MPP3: variants seen among roughly 807,000 people sequenced by gnomAD.
MPP3 encodes the protein MAGUK p55 subfamily member 3.
In MPP3, 48 loss-of-function variants were observed where a neutral mutation model predicts 80.7. The ratio of observed to expected loss-of-function variants is 0.59; its 90% CI spans 0.47 to 0.76. The LOEUF (loss-of-function observed/expected upper bound fraction) is 0.76. MPP3 is among the 30% of genes least tolerant of loss of function. MPP3 has a pLI of 0.00. For synonymous variants in MPP3, 311 were observed against 297.6 expected (o/e 1.04, Z -0.46); for missense variants, 620 against 763.0 (o/e 0.81, Z 2.21).
chr17:43,820,041 G>C (rs922148920), intron 11 of MPP3, among the ~76,000 whole-genome samples: 1 of 152,004 alleles, frequency 6.6e-6, no homozygotes, highest in Non-Finnish European at 1.5e-5. Context: ...ACCTTTTTGG[G>C]CTCAACTGAT....
intron 11 of MPP3, among the ~76,000 whole-genome samples, chr17:43,818,722 C>T (rs150881995): frequency 6.1e-4 from 93 of 152,128 alleles, no homozygotes; most frequent in Non-Finnish European, 9.9e-4. Context: ...GTCAGGAGTT[C>T]GAGACCAGCC....
chr17:43,816,272 G>A (rs956889266), intron 13 of MPP3, among the ~76,000 whole-genome samples, 193 bp from the exon 14 acceptor site: 1 of 152,344 alleles, frequency 6.6e-6, no homozygotes, highest in Middle Eastern at 3.4e-3. Flanking sequence ...TCCATGCTTA[G>A]GCCCCTAACA....
Position 43,820,603 on chromosome 17 carries a change from A to ATAC in MPP3, c.881+258_881+259insGTA, listed in dbSNP as rs1264169757. Reference sequence around the variant, plus strand: ...GAGACTCTGTCTCAAAAAAAAAAAAAATACACACACACACACACACACACA... The same window carrying ATAC: ...GAGACTCTGTCTCAAAAAAAAAAAAATACATACACACACACACACACACACACA... On this transcript the variant is annotated intron_variant, in intron 11 of 19. Transcript: ENST00000398389. 5.0e-3 allele frequency among the ~76,000 whole-genome samples: 634 copies of ATAC among 127,580 alleles called. 7 individuals are homozygous for ATAC. Among genetic ancestry groups the ATAC allele is most frequent in the African/African-American group, 0.021 (576 of 27,274 alleles). The allele number at this position is 127,580 out of a possible 152,430, so 83.7% of individuals were successfully genotyped here.
intron 14 of MPP3, 117 bp downstream of exon 14, chr17:43,815,921 G>T (rs1219050209): frequency 2.0e-5 from 19 of 933,908 alleles, no homozygotes; most frequent in Non-Finnish European, 2.7e-5. Flanking sequence ...GGTCCCATAG[G>T]CTCCACTGCT....
At chr17:43,811,230 G>C in intron 16 of MPP3, 25 bp from the exon 17 acceptor site, 1 of 1,585,162 alleles carries the variant, frequency 6.3e-7, no homozygotes, top group African/African-American at 1.3e-5. Flanking sequence ...AGGAAAGCTG[G>C]GCAAAGAGAT....
intron 13 of MPP3, 32 bp from the exon 14 acceptor site, chr17:43,816,111 G>A (rs1171261697): frequency 4.7e-6 from 7 of 1,505,010 alleles, no homozygotes; most frequent in Non-Finnish European, 6.2e-6. Context: ...GGAAGCCAGT[G>A]AGTCCCACCA....
intron 19 of MPP3, 96 bp from the exon 20 acceptor site, chr17:43,801,973 T>A: frequency 2.3e-6 from 3 of 1,294,918 alleles, no homozygotes; most frequent in Non-Finnish European, 3.2e-6. Flanking sequence ...CTTTAACTTT[T>A]AAGTGATGAG....
intron 14 of MPP3, chr17:43,815,723 T>G: frequency 1.8e-6 from 1 of 564,066 alleles, no homozygotes; most frequent in Non-Finnish European, 3.3e-6. Flanking sequence ...CACTGCGTGG[T>G]AGTGGTGTTA....
In MPP3 at chr17:43,816,662, A is replaced by G. The variant is rs7221673; in HGVS notation, c.967+15T>C. On this transcript the variant is annotated intron_variant, in intron 13 of 19. Transcript: ENST00000398389. ...GGGGCCACGCCTGTGGACAGCGGAT[A>G]GATACTGGGCCTACCTTTGTCACAA... 11 of 1,571,344 alleles carry G rather than the reference A, an allele frequency of 7.0e-6. No homozygotes were observed. In the South Asian group the frequency reaches 1.1e-4, roughly 15 times the overall value.
intron 12 of MPP3, 165 bp downstream of exon 12, chr17:43,817,880 GC>G: frequency 4.5e-6 from 2 of 448,548 alleles, no homozygotes; most frequent in Non-Finnish European, 8.0e-6. Context: ...GGGACTAGCT[GC>G]CCCCCACCTC....
intron 7 of MPP3, among the ~76,000 whole-genome samples, chr17:43,828,449 G>A (rs1308220243): frequency 6.6e-6 from 1 of 152,222 alleles, no homozygotes; most frequent in Admixed American, 6.5e-5. Context: ...TAAGCTCTAG[G>A]GCTGGACAGC....
At chr17:43,830,218 C>G (rs780661532) in intron 5 of MPP3, 111 bp from the exon 6 acceptor site, 2 of 688,354 alleles carry the variant, frequency 2.9e-6, no homozygotes, top group Admixed American at 3.6e-5. Context: ...CAGGGGCACA[C>G]CAGACCCTCA....
intron 12 of MPP3, among the ~76,000 whole-genome samples, 182 bp from the exon 13 acceptor site, chr17:43,816,879 A>G (rs1172931626): frequency 6.6e-6 from 1 of 152,150 alleles, no homozygotes; most frequent in Non-Finnish European, 1.5e-5. Context: ...TGCTCTAATT[A>G]GTCTTCTTGT....
chr17:43,827,889 C>T (rs2045790622), intron 7 of MPP3, 57 bp from the exon 8 acceptor site: 1 of 1,547,944 alleles, frequency 6.5e-7, no homozygotes, highest in Admixed American at 1.7e-5. Context: ...CCTCAGACCC[C>T]TACTCTCTGG....
intron 5 of MPP3, 35 bp from the exon 6 acceptor site, chr17:43,830,142 G>A: frequency 2.1e-6 from 3 of 1,460,828 alleles, no homozygotes; most frequent in Admixed American, 4.7e-5. Flanking sequence ...CTGATGGCTA[G>A]AGGTGCCCCT....
At chr17:43,831,499 C>A in intron 4 of MPP3, 60 bp downstream of exon 4, 1 of 1,414,264 alleles carries the variant, frequency 7.1e-7, no homozygotes, top group South Asian at 1.2e-5. Flanking sequence ...CCTCAGACGG[C>A]CACAGACAGC....
At chr17:43,828,259 C>T (rs953799046) in intron 7 of MPP3, among the ~76,000 whole-genome samples, 31 of 152,192 alleles carry the variant, frequency 2.0e-4, no homozygotes, top group African/African-American at 7.0e-4. Context: ...ACAGGGTTAC[C>T]GGGCCTTCTG....
rs779307204 is a variant in MPP3 at position 43,820,915 on chromosome 17, G to A, written c.828C>T (p.Val276=). The A allele has an allele frequency of 1.1e-5, 17 of 1,614,120 alleles. No homozygotes were observed. In the Admixed American group the frequency reaches 1.2e-4, roughly 11 times the overall value. ...DDPTWWQAKR[V]GDTNLRAGLI... ...GGCCGGCTCGAAGGTTGGTGTCCCCGACTCGCTTGGCCTGCCACCACGTGG... is the reference window on the plus strand; with the variant it reads ...GGCCGGCTCGAAGGTTGGTGTCCCCAACTCGCTTGGCCTGCCACCACGTGG... Residue 276 remains valine (V), a synonymous_variant, in exon 11 of 20, where the codon GTC becomes GTT. Coordinates refer to ENST00000398389, the MANE Select transcript of MPP3 (RefSeq NM_001932.6).
At chr17:43,813,048 C>G (rs986430690) in intron 16 of MPP3, among the ~76,000 whole-genome samples, 1 of 152,182 alleles carries the variant, frequency 6.6e-6, no homozygotes, top group Non-Finnish European at 1.5e-5. Context: ...GAGGAGGCCC[C>G]ATTAGGGCCC....
Sources: allele counts gnomAD v4.1 joint callset (sites outside exome capture counted in the v4.1 genomes callset), GRCh38; gene constraint gnomAD v4.1.1; transcripts MANE v1.5; gene names NCBI Gene and HGNC (gene_info 2026-07-23, HGNC 2026-07-21).